Variants in VRK2 observed in about 807,000 individuals in gnomAD.
The protein encoded by VRK2 is VRK serine/threonine kinase 2, also known as serine/threonine-protein kinase VRK2.
Under a neutral mutation model 57.6 loss-of-function variants are expected in VRK2, and 60 were observed. That is an observed-to-expected ratio of 1.04 (90% CI 0.85 to 1.29). The LOEUF is 1.29. Among genes scored for constraint, VRK2 ranks in the 50% most tolerant of loss-of-function variants. The pLI is 0.00. For synonymous variants in VRK2, 231 were observed against 199.2 expected, an observed-to-expected ratio of 1.16 and a Z score of -1.35; for missense variants, 705 against 588.1, an observed-to-expected ratio of 1.20 and a Z score of -2.06.
At chr2:58,123,011 C>A in intron 7 of VRK2, 90 bp from the exon 8 acceptor site, 2 of 1,483,578 alleles carry the variant, frequency 1.3e-6, no homozygotes, top group Non-Finnish European at 1.8e-6. Context: ...TGAGGCTGTT[C>A]TTAACCTATC....
chr2:57,957,472 C>T (rs1048988140), intron 1 of VRK2, among the ~76,000 whole-genome samples: 6 of 151,654 alleles, frequency 4.0e-5, no homozygotes, highest in South Asian at 2.1e-4. Flanking sequence ...TCAGTGATTA[C>T]GCAATAAAGT....
intron 3 of VRK2, among the ~76,000 whole-genome samples, chr2:58,037,171 G>C (rs1160739279): frequency 6.6e-6 from 1 of 151,882 alleles, no homozygotes; most frequent in Admixed American, 6.6e-5. Flanking sequence ...CCTGGGCTCA[G>C]GCAATCCTCC....
chr2:58,089,814 A>C, intron 7 of VRK2, 91 bp downstream of exon 7: 1 of 830,168 alleles, frequency 1.2e-6, no homozygotes, highest in East Asian at 2.5e-5. Flanking sequence ...AGAGTTTACA[A>C]ATGAGGGCGT....
At chr2:58,138,217 T>A (rs1304360152) in intron 10 of VRK2, among the ~76,000 whole-genome samples, 1 of 152,182 alleles carries the variant, frequency 6.6e-6, no homozygotes, top group Non-Finnish European at 1.5e-5. Context: ...ATTAAAATAG[T>A]AGTGAATGTA....
intron 11 of VRK2, among the ~76,000 whole-genome samples, chr2:58,143,688 C>T (rs903277940): frequency 3.3e-5 from 5 of 151,820 alleles, no homozygotes; most frequent in African/African-American, 4.8e-5. Context: ...ACTTCAATAT[C>T]TTAGCTAAAA....
Position 58,146,478 on chromosome 2 carries a change from A to G in VRK2, c.1182+4A>G. 6.2e-7 allele frequency: 1 copy of G among 1,605,082 alleles called. No individual in the cohort carries two copies. Among genetic ancestry groups the G allele is most frequent in the East Asian group, 2.2e-5 (1 of 44,712 alleles). The stretch of plus-strand genomic sequence containing the variant: ...GATGAACAATGAAGCAGCTCAGGTG[A>G]GAGGGTTGTTTGTGTGTGTTTTTTC... On this transcript the variant is annotated splice_donor_region_variant and intron_variant, in intron 12 of 12. Coordinates refer to ENST00000340157, the MANE Select transcript of VRK2 (RefSeq NM_006296.7).
chr2:58,130,368 C>G (rs777793295), intron 8 of VRK2, among the ~76,000 whole-genome samples: 5 of 152,130 alleles, frequency 3.3e-5, no homozygotes, highest in Admixed American at 2.0e-4. Flanking sequence ...GAAGAAATCA[C>G]TACAGAACAC....
At chr2:58,117,423 C>G (rs545228261) in intron 7 of VRK2, among the ~76,000 whole-genome samples, 3 of 152,006 alleles carry the variant, frequency 2.0e-5, no homozygotes, top group East Asian at 1.9e-4. Flanking sequence ...GGAGCAGAGG[C>G]TGAGGAAGAA....
chr2:58,137,061 A>G (rs532833444), intron 10 of VRK2, among the ~76,000 whole-genome samples: 96 of 122,666 alleles, frequency 7.8e-4, no homozygotes, highest in African/African-American at 1.0e-3. Context: ...ATGTGTATAT[A>G]TCATATATCA....
In VRK2 at chr2:58,019,137, C is replaced by T. The variant is rs997178; in HGVS notation, c.-438-6528C>T. ...TTTGTAACTACAATGCCAAGCATAA[C>T]ATCCAATTCTCAAAAAATATTTGTG... On this transcript the variant is annotated intron_variant, in intron 1 of 15. Coordinates refer to the VRK2 transcript ENST00000417641. 4.1e-3 allele frequency among the ~76,000 whole-genome samples: 621 copies of T among 152,298 alleles called. 4 individuals carry two copies. The highest frequency in any genetic ancestry group is 0.017 in the Middle Eastern group (5 of 294).
chr2:58,045,549 T>C (rs1349506023), upstream of VRK2, among the ~76,000 whole-genome samples: 1 of 152,236 alleles, frequency 6.6e-6, no homozygotes, highest in African/African-American at 2.4e-5. Context: ...AGGACACTGT[T>C]GGACCAGTGA....
intron 1 of VRK2, among the ~76,000 whole-genome samples, chr2:58,010,773 ATTGT>A (rs1019736312): frequency 1.3e-5 from 2 of 152,086 alleles, no homozygotes; most frequent in Non-Finnish European, 2.9e-5. Context: ...AACTGGGCTA[ATTGT>A]TTGTTGTCTG....
chr2:57,979,303 T>C (rs1240260826), intron 1 of VRK2, among the ~76,000 whole-genome samples: 1 of 151,100 alleles, frequency 6.6e-6, no homozygotes, highest in Admixed American at 6.6e-5. Context: ...GCATTCCTAT[T>C]TCTCCATAGC....
At chr2:58,072,670 G>T (rs1669519110) in intron 2 of VRK2, among the ~76,000 whole-genome samples, 1 of 151,770 alleles carries the variant, frequency 6.6e-6, no homozygotes, top group East Asian at 1.9e-4. Context: ...CTAATGTTTT[G>T]TTGAGGATTT....
intron 1 of VRK2, among the ~76,000 whole-genome samples, chr2:57,934,972 C>T (rs937088353): frequency 4.0e-4 from 61 of 152,186 alleles, no homozygotes; most frequent in South Asian, 1.0e-3. Flanking sequence ...TCATGTATTG[C>T]TTTTCTGATT....
intron 8 of VRK2, among the ~76,000 whole-genome samples, chr2:58,124,633 G>T (rs540217526): frequency 1.3e-5 from 2 of 152,194 alleles, no homozygotes; most frequent in African/African-American, 4.8e-5. Flanking sequence ...GTATATTATT[G>T]CCTTTTCTAT....
intron 2 of VRK2, among the ~76,000 whole-genome samples, chr2:58,027,825 T>C (rs1442744406): frequency 6.6e-6 from 1 of 152,048 alleles, no homozygotes; most frequent in African/African-American, 2.4e-5. Flanking sequence ...GTGACAGTAA[T>C]AAAGGGGGAA....
At chr2:58,018,961 C>A (rs1673666760) in intron 1 of VRK2, among the ~76,000 whole-genome samples, 1 of 152,110 alleles carries the variant, frequency 6.6e-6, no homozygotes, top group Non-Finnish European at 1.5e-5. Flanking sequence ...GATAAATTTC[C>A]CTGTACCACA....
chr2:58,033,140 G>A (rs1189090587), intron 2 of VRK2: 4 of 152,002 alleles, frequency 2.6e-5, no homozygotes, highest in African/African-American at 7.2e-5. Context: ...TTATGCATAA[G>A]GATAACTTGA....
Sources: gnomAD v4.1 joint callset for allele counts (sites outside exome capture counted in the v4.1 genomes callset) on GRCh38, gnomAD v4.1.1 for gene constraint, MANE v1.5 for transcripts, NCBI Gene and HGNC (gene_info 2026-07-23, HGNC 2026-07-21) for gene names.